The following NCAM2 variants were observed in gnomAD, a reference collection of about 807,000 sequenced individuals.
NCAM2 encodes the protein N-CAM-2.
A neutral mutation model predicts 98.1 loss-of-function variants in NCAM2; 30 were observed. The observed-to-expected ratio is 0.31, with a 90% CI of 0.23 to 0.41. NCAM2 has a LOEUF of 0.41. Ranked by LOEUF, NCAM2 falls within the 10% of genes least tolerant of loss-of-function variation. The pLI, the probability that NCAM2 is intolerant of heterozygous loss-of-function variation, is 1.00. For synonymous variants in NCAM2, 368 were observed against 342.4 expected, an observed-to-expected ratio of 1.07 and a Z score of -0.83; for missense variants, 867 against 1,005.8, an observed-to-expected ratio of 0.86 and a Z score of 1.87.
Position 21,418,451 on chromosome 21 carries a change from TTTG to T in NCAM2, c.1384-19_1384-17del, listed in dbSNP as rs1335717866. The T allele has an allele frequency of 3.2e-6, 5 of 1,540,592 alleles. No individual in the cohort carries two copies. The Admixed American group carries it at 8.4e-5, about 26-fold the overall frequency. On this transcript the variant is annotated intron_variant, in intron 10 of 17. Transcript: ENST00000400546. ...TCTGTGATGTTTTAGAATTGTAACA[TTTG>T]TTATTATAATTATTTCAGATTGCAC... is the stretch of plus-strand genomic sequence containing the variant.
rs1381704958 is a variant in NCAM2, at chr21:21,241,398, TAA to T, written c.56-39179_56-39178del. Among the ~76,000 whole-genome samples the T allele has an allele frequency of 2.0e-5, 3 of 152,332 alleles. No homozygotes were observed. The East Asian group carries it at 5.8e-4, about 29-fold the overall frequency. ...GGCTGGGTCTTTTTACATTAAATTC[TAA>T]GTTCTCCTTTGAATTATATAGCATA... is the stretch of plus-strand genomic sequence containing the variant. On this transcript the variant is annotated intron_variant, in intron 1 of 17. Coordinates refer to ENST00000400546, the MANE Select transcript of NCAM2 (RefSeq NM_004540.5).
At chr21:21,147,548 AC>A (rs2067316950) in intron 1 of NCAM2, among the ~76,000 whole-genome samples, 2 of 151,434 alleles carry the variant, frequency 1.3e-5, no homozygotes, top group South Asian at 4.2e-4. Flanking sequence ...CAGTATACAT[AC>A]ATGCCGTGGT....
chr21:21,473,313 A>AT lies in NCAM2; in HGVS notation c.1897-3978_1897-3977insT, dbSNP rs1569099764. Among the ~76,000 whole-genome samples, 45 of 126,954 alleles carry AT rather than the reference A, an allele frequency of 3.5e-4. No homozygotes were observed. In the South Asian group the frequency reaches 3.9e-3, roughly 11 times the overall value. The allele number at this position is 126,954 out of a possible 152,430, so 83.3% of individuals were successfully genotyped here. On this transcript the variant is annotated intron_variant, in intron 14 of 17. Coordinates refer to ENST00000400546, the MANE Select transcript of NCAM2 (RefSeq NM_004540.5). Reference sequence around the variant, plus strand: ...TATGGTCTATCTGTATATATATATAAAAATATATGCTTGTGTGTATATATA... The same window carrying AT: ...TATGGTCTATCTGTATATATATATAATAAATATATGCTTGTGTGTATATATA...
chr21:21,326,005 T>G (rs1261379669), intron 6 of NCAM2, among the ~76,000 whole-genome samples: 1 of 152,176 alleles, frequency 6.6e-6, no homozygotes, highest in Non-Finnish European at 1.5e-5. Context: ...GAAATAATTT[T>G]CCAGTCATTC....
intron 1 of NCAM2, among the ~76,000 whole-genome samples, chr21:21,266,885 A>G (rs747646452): frequency 5.9e-4 from 90 of 152,148 alleles, no homozygotes; most frequent in Non-Finnish European, 1.2e-3. Context: ...AATAATAATA[A>G]TTATGCCCAA....
chr21:21,443,652 G>A (rs974318012), intron 12 of NCAM2, among the ~76,000 whole-genome samples: 5 of 152,040 alleles, frequency 3.3e-5, no homozygotes, highest in African/African-American at 1.2e-4. Context: ...GATGGGATGG[G>A]TCTAAATTTC....
At chr21:21,104,993 C>A (rs928597509) in intron 1 of NCAM2, among the ~76,000 whole-genome samples, 4 of 152,038 alleles carry the variant, frequency 2.6e-5, no homozygotes, top group Non-Finnish European at 5.9e-5. Context: ...TAGAACAAAT[C>A]CCCCAGTCTC....
At chr21:21,081,416 G>A (rs931876870) in intron 1 of NCAM2, among the ~76,000 whole-genome samples, 1 of 152,088 alleles carries the variant, frequency 6.6e-6, no homozygotes, top group Non-Finnish European at 1.5e-5. Flanking sequence ...ATGGTTGCCT[G>A]ACATTCCTGG....
At chr21:21,098,878 G>T (rs2146479201) in intron 1 of NCAM2, among the ~76,000 whole-genome samples, 1 of 151,874 alleles carries the variant, frequency 6.6e-6, no homozygotes, top group South Asian at 2.1e-4. Context: ...TTTTCAGCAA[G>T]CAATTGCCAA....
At chr21:21,177,097 G>T (rs760274656) in intron 1 of NCAM2, among the ~76,000 whole-genome samples, 49 of 152,064 alleles carry the variant, frequency 3.2e-4, no homozygotes, top group Non-Finnish European at 8.8e-5. Context: ...GTAAGAAAGA[G>T]AATATATTGT....
chr21:21,411,623 A>G (rs1346107032), intron 10 of NCAM2, among the ~76,000 whole-genome samples: 9 of 152,184 alleles, frequency 5.9e-5, no homozygotes, highest in African/African-American at 2.4e-5. Flanking sequence ...TGATGCGGTT[A>G]GGAAAATTGG....
chr21:21,366,088 G>T (rs1444781295), intron 8 of NCAM2, among the ~76,000 whole-genome samples: 1 of 152,050 alleles, frequency 6.6e-6, no homozygotes, highest in African/African-American at 2.4e-5. Flanking sequence ...GGTAGATAGA[G>T]CAAGAAGCAT....
intron 8 of NCAM2, among the ~76,000 whole-genome samples, chr21:21,346,656 TA>T (rs2075197676): frequency 6.6e-6 from 1 of 151,918 alleles, no homozygotes; most frequent in Non-Finnish European, 1.5e-5. Context: ...TTAAAATATT[TA>T]AAAAATTAAT....
intron 1 of NCAM2, among the ~76,000 whole-genome samples, chr21:21,013,499 G>C (rs1568926924): frequency 6.6e-6 from 1 of 152,152 alleles, no homozygotes. Context: ...TAGTTCACGA[G>C]GGCCGGACGT....
chr21:21,454,257 CT>C (rs1943966822), intron 12 of NCAM2, among the ~76,000 whole-genome samples: 2 of 152,046 alleles, frequency 1.3e-5, no homozygotes, highest in Admixed American at 1.3e-4. Context: ...AAATTCTTCC[CT>C]AATTCATATT....
intron 1 of NCAM2, among the ~76,000 whole-genome samples, chr21:21,054,127 T>C (rs1462923251): frequency 6.6e-6 from 1 of 151,960 alleles, no homozygotes; most frequent in East Asian, 1.9e-4. Flanking sequence ...AAATAAACAT[T>C]ATAAACTATA....
chr21:21,003,592 C>T (rs1164118815), intron 1 of NCAM2, among the ~76,000 whole-genome samples: 2 of 151,936 alleles, frequency 1.3e-5, no homozygotes, highest in Non-Finnish European at 2.9e-5. Context: ...AAATGTCAAC[C>T]CTACTATGCT....
chr21:21,520,806 G>GA (rs1183470594), intron 16 of NCAM2, among the ~76,000 whole-genome samples: 4 of 151,994 alleles, frequency 2.6e-5, no homozygotes, highest in South Asian at 4.1e-4. Flanking sequence ...TCAGGAATAG[G>GA]AAAAAAATGT....
In NCAM2 at chr21:21,120,719, GT is replaced by G. The variant is rs56905252; in HGVS notation, c.55+122115del. ...TTGATGTTTATTTATTTTTTTGTGG[GT>G]TTTTTTTTTTTTTCTTTGAGATGGA... On this transcript the variant is annotated intron_variant, in intron 1 of 17. Coordinates refer to ENST00000400546, the MANE Select transcript of NCAM2 (RefSeq NM_004540.5). Among the ~76,000 whole-genome samples the G allele has an allele frequency of 9.9e-3, 1,411 of 142,228 alleles. 8 individuals are homozygous for G. The highest frequency in any genetic ancestry group is 0.02 in the African/African-American group (787 of 38,880). 93.3% of individuals were successfully genotyped at this position (142,228 alleles called of 152,430 possible).
Sources: gnomAD v4.1 joint callset for allele counts (sites outside exome capture counted in the v4.1 genomes callset) on GRCh38, gnomAD v4.1.1 for gene constraint, MANE v1.5 for transcripts, NCBI Gene and HGNC (gene_info 2026-07-23, HGNC 2026-07-21) for gene names.